PCDHA11: variants seen among roughly 807,000 people sequenced by gnomAD.
PCDHA11 encodes the protein protocadherin alpha 11.
In PCDHA11, 61 loss-of-function variants were observed where a neutral mutation model predicts 70.3. That is an observed-to-expected ratio of 0.87 (90% confidence interval 0.71 to 1.07). The LOEUF (loss-of-function observed/expected upper bound fraction) is 1.07. Ranked by LOEUF, PCDHA11 falls within the 50% of genes least tolerant of loss-of-function variation. The pLI, the probability that PCDHA11 is intolerant of heterozygous loss-of-function variation, is 0.00. For missense variants in PCDHA11, 1,324 were observed against 1,237.5 expected, an observed-to-expected ratio of 1.07 and a Z score of -1.05; for synonymous variants, 633 against 555.1, an observed-to-expected ratio of 1.14 and a Z score of -1.97.
At chr5:140,927,167 C>G in intron 1 of PCDHA11, 3 of 1,614,164 alleles carry the variant, frequency 1.9e-6, no homozygotes, top group Non-Finnish European at 2.5e-6. Flanking sequence ...GCCAAAGCTG[C>G]CTGCGTCTTG....
chr5:140,870,903 A>G lies in PCDHA11; in HGVS notation c.1800A>G (p.Ser600=), dbSNP rs182770106. The change falls in exon 1 of 4, where the codon TCA becomes TCG. Residue 600 remains serine (S), a synonymous_variant. Transcript: ENST00000398640. The part of the protein sequence containing the change: ...VAKVRAVDAD[S]GYNAWLSYEL... ...AGGTGCGCGCAGTGGATGCGGACTC[A>G]GGCTACAACGCGTGGCTTTCATATG... The G allele has an allele frequency of 1.9e-6, 3 of 1,613,930 alleles. No individual in the cohort carries two copies. In the East Asian group the frequency reaches 6.7e-5, roughly 36 times the overall value.
chr5:140,955,493 T>G (rs1554221955), intron 1 of PCDHA11, among the ~76,000 whole-genome samples: 1 of 152,190 alleles, frequency 6.6e-6, no homozygotes, highest in African/African-American at 2.4e-5. Flanking sequence ...CCTGCCACCA[T>G]GTGAAGAAAG....
chr5:140,906,744 A>G (rs2072897297), intron 1 of PCDHA11, among the ~76,000 whole-genome samples: 1 of 152,210 alleles, frequency 6.6e-6, no homozygotes, highest in Admixed American at 6.5e-5. Context: ...CCATTGACAC[A>G]GGGCATGGTA....
At chr5:140,879,757 C>T (rs1312451493) in intron 1 of PCDHA11, among the ~76,000 whole-genome samples, 1 of 152,212 alleles carries the variant, frequency 6.6e-6, no homozygotes, top group African/African-American at 2.4e-5. Context: ...GCTATACTCT[C>T]TTTGGAGGCC....
At chr5:140,959,607 C>T (rs2095500489) in intron 1 of PCDHA11, among the ~76,000 whole-genome samples, 1 of 151,986 alleles carries the variant, frequency 6.6e-6, no homozygotes, top group African/African-American at 2.4e-5. Flanking sequence ...ACATGCTTTT[C>T]TTGCTTGTGA....
At chr5:140,967,479 C>T (rs782390272) in intron 1 of PCDHA11, 7 of 1,613,262 alleles carry the variant, frequency 4.3e-6, no homozygotes, top group East Asian at 2.2e-5. Context: ...CCAGCCCGCT[C>T]GGGTACGGCA....
intron 1 of PCDHA11, among the ~76,000 whole-genome samples, chr5:140,909,844 C>T (rs572833280): frequency 7.9e-5 from 12 of 152,276 alleles, no homozygotes; most frequent in African/African-American, 2.4e-4. Context: ...ACCACCAGGA[C>T]GTTTTCGGTC....
intron 1 of PCDHA11, among the ~76,000 whole-genome samples, chr5:140,921,468 C>T (rs886501347): frequency 3.3e-5 from 5 of 152,182 alleles, no homozygotes; most frequent in African/African-American, 1.2e-4. Flanking sequence ...GCAACCACTA[C>T]CAAACCACTC....
chr5:140,967,687 C>T (rs1173018126), intron 1 of PCDHA11: 1 of 1,614,094 alleles, frequency 6.2e-7, no homozygotes, highest in Non-Finnish European at 8.5e-7. Context: ...AGAGGCAGCT[C>T]TTCAGCATAG....
intron 3 of PCDHA11, among the ~76,000 whole-genome samples, chr5:140,991,146 G>A (rs2097434554): frequency 6.6e-6 from 1 of 151,978 alleles, no homozygotes; most frequent in African/African-American, 2.4e-5. Context: ...AATGTTTTTT[G>A]CTCACCATTG....
In PCDHA11 at chr5:140,989,027, CATT is replaced by C. The variant is rs1413017003; in HGVS notation, c.2539+6465_2539+6467del. The C allele has an allele frequency of 1.4e-4, 22 of 152,178 alleles. 1 individual carries two copies. The highest frequency in any genetic ancestry group is 1.4e-3 in the Admixed American group (22 of 15,274). The allele number at this position is 152,178 out of a possible 1,614,324, so 9.4% of individuals were successfully genotyped here. A position where few individuals can be genotyped will look rare whatever the true frequency, so the allele number is the denominator to read the frequency against. ...GACTTATTATAGTTTCTTCAGTTAT[CATT>C]GATTCCTTTAATATGCCAGCTACAT... On this transcript the variant is annotated intron_variant, in intron 3 of 3. Transcript: ENST00000398640.
intron 1 of PCDHA11, among the ~76,000 whole-genome samples, chr5:140,893,701 C>A (rs1297465606): frequency 6.6e-6 from 1 of 152,104 alleles, no homozygotes; most frequent in African/African-American, 2.4e-5. Context: ...TCTATCCTAG[C>A]CTGTAAAGCT....
At chr5:140,967,320 A>G in intron 1 of PCDHA11, 6 of 1,609,774 alleles carry the variant, frequency 3.7e-6, no homozygotes, top group Non-Finnish European at 5.1e-6. Context: ...GTACAGACCT[A>G]CGAGCTCAGC....
intron 1 of PCDHA11, among the ~76,000 whole-genome samples, chr5:140,891,819 G>A (rs1282245838): frequency 6.6e-6 from 1 of 152,216 alleles, no homozygotes. Flanking sequence ...ATAAATTAAC[G>A]GCACTGTAAA....
chr5:140,983,146 G>T (rs894953025), intron 3 of PCDHA11, among the ~76,000 whole-genome samples: 3 of 152,140 alleles, frequency 2.0e-5, no homozygotes, highest in Non-Finnish European at 4.4e-5. Flanking sequence ...TAGTGCCTTG[G>T]CATGCATGTT....
At chr5:140,876,760 G>A (rs2056562687) in intron 1 of PCDHA11, 4 of 1,614,234 alleles carry the variant, frequency 2.5e-6, no homozygotes, top group South Asian at 2.2e-5. Flanking sequence ...TGCGCGGGAT[G>A]GGGGCTCGCC....
At chr5:140,927,183 C>G (rs1554204140) in intron 1 of PCDHA11, 2 of 1,614,042 alleles carry the variant, frequency 1.2e-6, no homozygotes, top group African/African-American at 2.7e-5. Flanking sequence ...TCTTGACCTA[C>G]GACCTGGTGC....
intron 1 of PCDHA11, among the ~76,000 whole-genome samples, chr5:140,936,741 C>T (rs1234099505): frequency 3.3e-5 from 5 of 152,138 alleles, no homozygotes; most frequent in African/African-American, 1.2e-4. Flanking sequence ...AGTAACTTTT[C>T]ATTTGTATTG....
At chr5:140,914,646 C>A (rs2076792238) in intron 1 of PCDHA11, among the ~76,000 whole-genome samples, 1 of 152,018 alleles carries the variant, frequency 6.6e-6, no homozygotes, top group Admixed American at 6.5e-5. Context: ...ATGGTCATCT[C>A]TCCCTTCTTT....
Sources: allele counts gnomAD v4.1 joint callset (sites outside exome capture counted in the v4.1 genomes callset), GRCh38; gene constraint gnomAD v4.1.1; transcripts MANE v1.5; gene names NCBI Gene and HGNC (gene_info 2026-07-23, HGNC 2026-07-21).